The following SNED1 variants were observed in gnomAD, a reference collection of about 807,000 sequenced individuals.
SNED1 encodes sushi, nidogen and EGF like domains 1.
Under a neutral mutation model 166.7 loss-of-function variants are expected in SNED1, and 81 were observed. The observed-to-expected ratio is 0.49, with a 90% CI of 0.41 to 0.58. The LOEUF (loss-of-function observed/expected upper bound fraction) is 0.58. SNED1 is among the 20% of genes least tolerant of loss of function. SNED1 has a pLI of 0.00. For missense variants in SNED1, 1,604 were observed against 2,000.2 expected, an observed-to-expected ratio of 0.80 and a Z score of 3.78; for synonymous variants, 762 against 822.0, an observed-to-expected ratio of 0.93 and a Z score of 1.25.
chr2:241,046,111 C>T (rs143226123), intron 8 of SNED1, among the ~76,000 whole-genome samples: 408 of 152,164 alleles, frequency 2.7e-3, no homozygotes, highest in African/African-American at 9.2e-3. Context: ...AAAGCCACTA[C>T]GAGGAATCAC....
chr2:241,008,210 G>A (rs904213910), intron 1 of SNED1, among the ~76,000 whole-genome samples: 2 of 152,250 alleles, frequency 1.3e-5, no homozygotes, highest in African/African-American at 2.4e-5. Flanking sequence ...GATCCCAAGT[G>A]GGGGAACAGA....
rs769695058 is a variant in SNED1, at chr2:241,091,408, C to T, written c.*2-230C>T. On this transcript the variant is annotated intron_variant, in intron 31 of 31. Coordinates refer to ENST00000310397, the MANE Select transcript of SNED1 (RefSeq NM_001080437.3). The surrounding 1 kb of genome is among the most constrained non-coding windows in gnomAD (Gnocchi z 4.1). ...AAGATGGGGATGTAGTCGGTGGAGG[C>T]TGCCCCTCCCCGTGTGCACTGCCAT... Among the ~76,000 whole-genome samples, 1 of 104,862 alleles carries T rather than the reference C, an allele frequency of 9.5e-6. No homozygotes were observed. The highest frequency in any genetic ancestry group is 4.0e-4 in the East Asian group (1 of 2,506). The allele number at this position is 104,862 out of a possible 152,430, so 68.8% of individuals were successfully genotyped here. A position where few individuals can be genotyped will look rare whatever the true frequency, so the allele number is the denominator to read the frequency against.
In SNED1 at chr2:241,049,144, C is replaced by T; in HGVS notation, c.1618+9C>T. The T allele has an allele frequency of 6.2e-7, 1 of 1,604,684 alleles. No individual in the cohort carries two copies. ...CCACAATGCCAGCCACTGTGAGTAG[C>T]TCGGGGACGAGCCTGCTGGGCCGGG... is the stretch of plus-strand genomic sequence containing the variant. On this transcript the variant is annotated intron_variant, in intron 11 of 31. Transcript: ENST00000310397.
chr2:241,092,068 G>A lies in SNED1; in HGVS notation c.*432G>A, dbSNP rs2064052630. On this transcript the variant is annotated 3_prime_UTR_variant, in exon 32 of 32. Coordinates refer to ENST00000310397, the MANE Select transcript of SNED1 (RefSeq NM_001080437.3). The surrounding 1 kb of genome is among the most constrained non-coding windows in gnomAD (Gnocchi z 4.6). ...CTCCCTTCGAGGCCCAACAAATTGA[G>A]AAGGAACTGTGATGGACCACTTCCA... 6.6e-6 allele frequency: 1 copy of A among 152,306 alleles called. No homozygotes were observed. Among genetic ancestry groups the A allele is most frequent in the South Asian group, 2.1e-4 (1 of 4,828 alleles). The allele number at this position is 152,306 out of a possible 1,614,324, so 9.4% of individuals were successfully genotyped here.
intron 1 of SNED1, among the ~76,000 whole-genome samples, chr2:241,000,603 T>C (rs2060049926): frequency 6.6e-6 from 1 of 152,076 alleles, no homozygotes; most frequent in South Asian, 2.1e-4. Flanking sequence ...CAGTCACAGG[T>C]GAAAATATTA....
chr2:241,047,146 CAAAAAA>C (rs59981303), intron 8 of SNED1, among the ~76,000 whole-genome samples: 5 of 68,176 alleles, frequency 7.3e-5, no homozygotes, highest in South Asian at 4.7e-4. Flanking sequence ...GAGACTCTGT[CAAAAAA>C]AAAAAAAAAA....
intron 1 of SNED1, 72 bp from the exon 2 acceptor site, chr2:241,030,212 G>A (rs1226827806): frequency 2.1e-6 from 3 of 1,405,466 alleles, no homozygotes; most frequent in Non-Finnish European, 1.9e-6. Flanking sequence ...GGCAGGGGCT[G>A]GGGAGGCTGC....
intron 27 of SNED1, among the ~76,000 whole-genome samples, chr2:241,079,815 A>G (rs577047757): frequency 2.4e-4 from 37 of 152,344 alleles, no homozygotes; most frequent in African/African-American, 8.7e-4. Context: ...CTAAGGATAA[A>G]AAGCATCGCC....
chr2:241,012,866 C>T (rs149549119), intron 1 of SNED1, among the ~76,000 whole-genome samples: 116 of 146,240 alleles, frequency 7.9e-4, no homozygotes, highest in African/African-American at 2.9e-3. Flanking sequence ...GATGGAGTCT[C>T]GCTCTTTCGC....
chr2:241,033,579 G>A, intron 2 of SNED1, 156 bp from the exon 3 acceptor site: 1 of 805,050 alleles, frequency 1.2e-6, no homozygotes, highest in African/African-American at 1.8e-5. Context: ...AGGCCACCAA[G>A]GTCCTGCCTC....
intron 16 of SNED1, among the ~76,000 whole-genome samples, chr2:241,055,176 A>G (rs941014981): frequency 6.6e-6 from 1 of 152,146 alleles, no homozygotes; most frequent in African/African-American, 2.4e-5. Flanking sequence ...TAAAGCTGAG[A>G]TAATCGGAGC....
intron 1 of SNED1, among the ~76,000 whole-genome samples, chr2:241,026,711 G>GT (rs1457370988): frequency 6.6e-6 from 1 of 151,816 alleles, no homozygotes; most frequent in Non-Finnish European, 1.5e-5. Context: ...TTTTAATCTA[G>GT]TGCTTTTCTG....
At chr2:241,050,861 A>G (rs2061817064) in intron 12 of SNED1, among the ~76,000 whole-genome samples, 1 of 151,894 alleles carries the variant, frequency 6.6e-6, no homozygotes, top group African/African-American at 2.4e-5. Flanking sequence ...ACATCTCCTC[A>G]CTAGACCAGA....
chr2:241,023,126 CTTTG>C (rs909825013), intron 1 of SNED1, among the ~76,000 whole-genome samples: 7 of 151,856 alleles, frequency 4.6e-5, no homozygotes, highest in African/African-American at 9.7e-5. Flanking sequence ...ATTTACTAAA[CTTTG>C]TTTAGTATAT....
intron 8 of SNED1, chr2:241,040,843 C>A: frequency 2.1e-6 from 1 of 471,926 alleles, no homozygotes; most frequent in Non-Finnish European, 4.4e-6. Context: ...GAAAACTGAC[C>A]TTTCACTATT....
rs2061892576 is a variant in SNED1, at chr2:241,052,652, TAC to T, written c.2083+186_2083+187del. Among the ~76,000 whole-genome samples, 9 of 67,412 alleles carry T rather than the reference TAC, an allele frequency of 1.3e-4. 2 individuals are homozygous for T. The South Asian group carries it at 1.8e-3, about 13-fold the overall frequency. 44.2% of individuals were successfully genotyped at this position (67,412 alleles called of 152,430 possible). A position where few individuals can be genotyped will look rare whatever the true frequency, so the allele number is the denominator to read the frequency against. The stretch of plus-strand genomic sequence containing the variant: ...GAGAGGGCCGGGGGGCCAAGCAGGG[TAC>T]ATGGGACACCGGTGCCAGGCAGGTG... On this transcript the variant is annotated intron_variant, in intron 15 of 31. Transcript: ENST00000310397.
intron 1 of SNED1, chr2:241,015,747 G>A (rs1006409202): frequency 5.3e-5 from 9 of 171,288 alleles, no homozygotes. Context: ...CATAGCGGTG[G>A]TGTTGGTGCC....
intron 16 of SNED1, among the ~76,000 whole-genome samples, chr2:241,059,817 A>T (rs1439692913): frequency 6.6e-6 from 1 of 152,234 alleles, no homozygotes; most frequent in Non-Finnish European, 1.5e-5. Flanking sequence ...CAGTGTACTC[A>T]GTGGTGAAAG....
chr2:241,019,730 G>T (rs947053831), intron 1 of SNED1, among the ~76,000 whole-genome samples: 1 of 152,164 alleles, frequency 6.6e-6, no homozygotes, highest in East Asian at 1.9e-4. Flanking sequence ...CTGCACGAGC[G>T]GCCCAGGCTG....
Sources: gnomAD v4.1 joint callset for allele counts (sites outside exome capture counted in the v4.1 genomes callset) on GRCh38, gnomAD v4.1.1 for gene constraint, Gnocchi (gnomAD v3.1) non-coding constraint, MANE v1.5 for transcripts, NCBI Gene and HGNC (gene_info 2026-07-23, HGNC 2026-07-21) for gene names.